The following ROBO1 variants were observed in gnomAD, a reference collection of about 807,000 sequenced individuals.
The protein encoded by ROBO1 is roundabout homolog 1.
In ROBO1, 149 loss-of-function variants were observed where a neutral mutation model predicts 195.9. The observed-to-expected ratio is 0.76, with a 90% CI of 0.67 to 0.87. The LOEUF is 0.87. Among genes scored for constraint, ROBO1 ranks in the 40% least tolerant of loss-of-function variants. The pLI, the probability that ROBO1 is intolerant of heterozygous loss-of-function variation, is 0.00. For synonymous variants in ROBO1, 816 were observed against 733.2 expected, an observed-to-expected ratio of 1.11 and a Z score of -1.82; for missense variants, 1,933 against 2,068.3, an observed-to-expected ratio of 0.93 and a Z score of 1.27.
At chr3:78,890,617 T>C (rs1469641292) in intron 4 of ROBO1, among the ~76,000 whole-genome samples, 4 of 152,204 alleles carry the variant, frequency 2.6e-5, no homozygotes, top group African/African-American at 9.7e-5. Flanking sequence ...TTTTTGTCCA[T>C]TAAGACATAC....
At chr3:78,856,448 T>C (rs1576297979) in intron 4 of ROBO1, among the ~76,000 whole-genome samples, 1 of 151,974 alleles carries the variant, frequency 6.6e-6, no homozygotes, top group African/African-American at 2.4e-5. Context: ...TCCTGAGAGA[T>C]AAAATATAGT....
chr3:79,239,995 G>A (rs937805760), intron 2 of ROBO1, among the ~76,000 whole-genome samples: 9 of 152,102 alleles, frequency 5.9e-5, no homozygotes, highest in South Asian at 4.1e-4. Flanking sequence ...TGGGGTGACC[G>A]AATCAAACTA....
At chr3:78,673,514 A>G (rs1708189073) in intron 10 of ROBO1, among the ~76,000 whole-genome samples, 1 of 138,922 alleles carries the variant, frequency 7.2e-6, no homozygotes, top group Non-Finnish European at 1.6e-5. Context: ...ATAAAATAAT[A>G]TATAATATAT....
chr3:79,022,764 C>G (rs1385797889), intron 3 of ROBO1, among the ~76,000 whole-genome samples: 2 of 152,108 alleles, frequency 1.3e-5, no homozygotes, highest in African/African-American at 2.4e-5. Context: ...TTAGAGAATT[C>G]TCATCTCATT....
At chr3:79,465,703 T>TG (rs1348143576) in intron 2 of ROBO1, among the ~76,000 whole-genome samples, 1 of 151,684 alleles carries the variant, frequency 6.6e-6, no homozygotes, top group Non-Finnish European at 1.5e-5. Context: ...GTGGAGGGTC[T>TG]TTTTTTAAAA....
At chr3:78,608,384 C>G (rs1178459423) in intron 28 of ROBO1, among the ~76,000 whole-genome samples, 1 of 152,080 alleles carries the variant, frequency 6.6e-6, no homozygotes, top group Non-Finnish European at 1.5e-5. Flanking sequence ...GGGATTATAG[C>G]TATGAGCCAC....
intron 10 of ROBO1, among the ~76,000 whole-genome samples, chr3:78,675,600 C>CA (rs1708367968): frequency 6.6e-6 from 1 of 152,288 alleles, no homozygotes; most frequent in Admixed American, 6.5e-5. Context: ...TGCAAGGCGG[C>CA]AGCGAGGCTG....
At chr3:78,622,811 G>A (rs1463471893) in intron 26 of ROBO1, among the ~76,000 whole-genome samples, 3 of 152,164 alleles carry the variant, frequency 2.0e-5, no homozygotes, top group African/African-American at 7.2e-5. Flanking sequence ...CATGTTATGA[G>A]AAGTCCATAC....
chr3:79,518,830 T>C (rs11127644), intron 2 of ROBO1, among the ~76,000 whole-genome samples: 43,441 of 143,406 alleles, frequency 0.3, 6,805 homozygotes, highest in Non-Finnish European at 0.36. Flanking sequence ...TGTCACCACG[T>C]CTGGCTAATT....
intron 1 of ROBO1, among the ~76,000 whole-genome samples, chr3:79,632,309 T>C (rs1945369250): frequency 6.6e-6 from 1 of 152,136 alleles, no homozygotes; most frequent in Non-Finnish European, 1.5e-5. Flanking sequence ...ACAAAAAGAA[T>C]GAAATCATGG....
chr3:79,383,423 TATA>T (rs764720238), intron 2 of ROBO1, among the ~76,000 whole-genome samples: 2 of 152,066 alleles, frequency 1.3e-5, no homozygotes, highest in East Asian at 1.9e-4. Flanking sequence ...CTGATTGAAA[TATA>T]ATAAGTGGCT....
intron 2 of ROBO1, among the ~76,000 whole-genome samples, chr3:79,200,463 G>C (rs1188342745): frequency 6.6e-6 from 1 of 151,504 alleles, no homozygotes; most frequent in East Asian, 1.9e-4. Context: ...CCTTAATTTT[G>C]CTAACTCTTA....
At chr3:79,104,779 C>T (rs1397854730) in intron 3 of ROBO1, among the ~76,000 whole-genome samples, 1 of 151,702 alleles carries the variant, frequency 6.6e-6, no homozygotes, top group Non-Finnish European at 1.5e-5. Context: ...CAACTGTCCC[C>T]TCGCCCTATC....
intron 15 of ROBO1, among the ~76,000 whole-genome samples, chr3:78,661,667 C>T (rs998985873): frequency 1.3e-5 from 2 of 152,134 alleles, no homozygotes; most frequent in Non-Finnish European, 2.9e-5. Context: ...TTTTAAAAGC[C>T]TACTTAATAC....
At position 79,328,990 on chromosome 3, in the gene ROBO1, TAA is replaced by T. The variant is rs531747246; in HGVS notation, c.89-203453_89-203452del. ...GGATTTCTAAGGATAGAAGGCGTCA[TAA>T]AAGACATCCGGTACAATTTTACTTC... On this transcript the variant is annotated intron_variant, in intron 2 of 30. Coordinates refer to ENST00000464233, the MANE Select transcript of ROBO1 (RefSeq NM_002941.4). 3.1e-3 allele frequency among the ~76,000 whole-genome samples: 470 copies of T among 152,320 alleles called. 3 individuals carry two copies. The highest frequency in any genetic ancestry group is 0.01 in the African/African-American group (434 of 41,572).
At chr3:79,375,332 T>C (rs1465057545) in intron 2 of ROBO1, among the ~76,000 whole-genome samples, 1 of 152,118 alleles carries the variant, frequency 6.6e-6, no homozygotes, top group Non-Finnish European at 1.5e-5. Context: ...TACTATGGCA[T>C]GGACTCCAGA....
chr3:79,058,929 G>T (rs1226950346), intron 3 of ROBO1, among the ~76,000 whole-genome samples: 2 of 152,058 alleles, frequency 1.3e-5, no homozygotes, highest in African/African-American at 4.8e-5. Flanking sequence ...TGCCCGAATG[G>T]CATTACATCA....
At chr3:79,578,574 A>C (rs1362808175) in intron 2 of ROBO1, among the ~76,000 whole-genome samples, 3 of 152,194 alleles carry the variant, frequency 2.0e-5, no homozygotes. Flanking sequence ...TTGTTATTCA[A>C]TTGACATTAC....
chr3:79,671,509 T>C (rs759010408), intron 1 of ROBO1, among the ~76,000 whole-genome samples: 1 of 151,886 alleles, frequency 6.6e-6, no homozygotes, highest in African/African-American at 2.4e-5. Context: ...TTCTTGGAAA[T>C]AGTGTATACT....
Sources: gnomAD v4.1 joint callset for allele counts (sites outside exome capture counted in the v4.1 genomes callset) on GRCh38, gnomAD v4.1.1 for gene constraint, MANE v1.5 for transcripts, NCBI Gene and HGNC (gene_info 2026-07-23, HGNC 2026-07-21) for gene names.